Variants in DDX5 observed in about 807,000 individuals in gnomAD.
DDX5 encodes DEAD-box helicase 5, also known as probable ATP-dependent RNA helicase DDX5.
A neutral mutation model predicts 68.6 loss-of-function variants in DDX5; 6 were observed. The observed-to-expected ratio is 0.09, with a 90% CI of 0.05 to 0.17. The LOEUF (loss-of-function observed/expected upper bound fraction) is 0.17. DDX5 is among the 10% of genes least tolerant of loss of function. DDX5 has a pLI of 1.00. For synonymous variants in DDX5, 350 were observed against 247.0 expected (o/e 1.42, Z -3.91); for missense variants, 499 against 756.1 (o/e 0.66, Z 3.99).
At chr17:64,505,036 A>G in intron 1 of DDX5, 194 bp from the exon 2 acceptor site, 2 of 500,154 alleles carry the variant, frequency 4.0e-6, no homozygotes, top group Non-Finnish European at 6.9e-6. Flanking sequence ...CCAAGTACAC[A>G]TTACTTAGGT....
chr17:64,503,014 G>A lies in DDX5; in HGVS notation c.895C>T (p.His299Tyr). Reference protein sequence around the residue: ...LAEDFLKDYIHINIGALELSA... With the variant: ...LAEDFLKDYIYINIGALELSA... ...AGTTCAAGTGCACCAATGTTTATAT[G>A]AATATAGTCTTTCAGGAAATCTTCA... Residue 299 changes from histidine (H) to tyrosine (Y), a missense_variant, in exon 8 of 13, where the codon CAT (histidine) becomes TAT (tyrosine). By Grantham distance (83) the His-to-Tyr change is moderately conservative. Coordinates refer to ENST00000225792, the MANE Select transcript of DDX5 (RefSeq NM_004396.5). The A allele has an allele frequency of 2.5e-6, 4 of 1,613,948 alleles. No individual in the cohort carries two copies. The highest frequency in any genetic ancestry group is 4.5e-5 in the East Asian group (2 of 44,888).
chr17:64,506,228 G>A lies in DDX5; in HGVS notation c.-109C>T, dbSNP rs929826962. ...AAGCCTTGCGGGGGCGGCAGCGGAG[G>A]AAGGACACCGATGACACCAGCCGAA... On this transcript the variant is annotated 5_prime_UTR_variant, in exon 1 of 13. Coordinates refer to ENST00000225792, the MANE Select transcript of DDX5 (RefSeq NM_004396.5). 47 of 1,553,954 alleles carry A rather than the reference G, an allele frequency of 3.0e-5. 1 individual carries two copies. The highest frequency in any genetic ancestry group is 1.8e-4 in the South Asian group (15 of 84,428).
rs1467102212 is a variant in DDX5 at position 64,499,251 on chromosome 17, G to A, written c.*672C>T. ...TTTTTAAATTATAAACTTTGAAAAA[G>A]TCACCCACGTTCTCACACTATATAG... On this transcript the variant is annotated 3_prime_UTR_variant, in exon 13 of 13. Coordinates refer to ENST00000225792, the MANE Select transcript of DDX5 (RefSeq NM_004396.5). Among the ~76,000 whole-genome samples, 2 of 152,068 alleles carry A rather than the reference G, an allele frequency of 1.3e-5. No individual in the cohort carries two copies. The highest frequency in any genetic ancestry group is 4.8e-5 in the African/African-American group (2 of 41,386).
chr17:64,498,943 A>G lies in DDX5; in HGVS notation c.*980T>C, dbSNP rs565995250. On this transcript the variant is annotated 3_prime_UTR_variant, in exon 13 of 13. Coordinates refer to ENST00000225792, the MANE Select transcript of DDX5 (RefSeq NM_004396.5). ...GGTTTTTTCCTTGTGTTGAGTATGA[A>G]TAGACCTTACAGTTTGAGGATCTCT... Among the ~76,000 whole-genome samples, 6 of 152,352 alleles carry G rather than the reference A, an allele frequency of 3.9e-5. No homozygotes were observed. The highest frequency in any genetic ancestry group is 2.1e-4 in the South Asian group (1 of 4,826).
intron 11 of DDX5, 57 bp downstream of exon 11, chr17:64,501,953 A>G (rs1198093982): frequency 6.4e-7 from 1 of 1,557,606 alleles, no homozygotes; most frequent in East Asian, 2.2e-5. Context: ...CTTTCTTTAA[A>G]AAAGTTAAAT....
At chr17:64,505,967 T>A in intron 1 of DDX5, 109 bp downstream of exon 1, 2 of 1,539,882 alleles carry the variant, frequency 1.3e-6, no homozygotes, top group East Asian at 4.9e-5. Context: ...AGTCCCAAGA[T>A]AGCCCGGAAA....
chr17:64,504,622 T>C, intron 2 of DDX5, 55 bp downstream of exon 2: 1 of 1,536,124 alleles, frequency 6.5e-7, no homozygotes, highest in Non-Finnish European at 8.7e-7. Flanking sequence ...AGAATTTCAT[T>C]TACTAGAATC....
At chr17:64,504,962 T>A in intron 1 of DDX5, 120 bp from the exon 2 acceptor site, 1 of 854,744 alleles carries the variant, frequency 1.2e-6, no homozygotes, top group Non-Finnish European at 1.7e-6. Flanking sequence ...GAGGTAAACC[T>A]AGCACTGTCC....
Position 64,500,542 on chromosome 17 carries a change from T to A in DDX5, c.1441+7A>T. 1 of 1,610,956 alleles carries A rather than the reference T, an allele frequency of 6.2e-7. No homozygotes were observed. The highest frequency in any genetic ancestry group is 8.5e-7 in the Non-Finnish European group (1 of 1,177,844). On this transcript the variant is annotated splice_region_variant and intron_variant, in intron 12 of 12. Coordinates refer to ENST00000225792, the MANE Select transcript of DDX5 (RefSeq NM_004396.5). ...AACTACCAACATTTCCTATCAGTCA[T>A]CCTTACCTGAACCTCTGTCTTCGAC...
chr17:64,500,271 C>T lies in DDX5; in HGVS notation c.1497G>A (p.Ala499=), dbSNP rs981289272. Reference sequence around the variant, plus strand: ...AGGTATTAAATCCACCCCTTTTGCCCGCAGAGTATCTGTCCCGACGGTCAT... The same window carrying T: ...AGGTATTAAATCCACCCCTTTTGCCTGCAGAGTATCTGTCCCGACGGTCAT... ...MKDDRRDRYS[A]GKRGGFNTFR... The change falls in exon 13 of 13, where the codon GCG becomes GCA. Residue 499 remains alanine, a synonymous_variant. Coordinates refer to ENST00000225792, the MANE Select transcript of DDX5 (RefSeq NM_004396.5). 7.4e-6 allele frequency: 12 copies of T among 1,614,056 alleles called. No individual in the cohort carries two copies. Among genetic ancestry groups the T allele is most frequent in the Non-Finnish European group, 1.0e-5 (12 of 1,179,984 alleles).
chr17:64,505,995 A>G (rs1228724692), intron 1 of DDX5, 81 bp downstream of exon 1: 1 of 1,542,760 alleles, frequency 6.5e-7, no homozygotes, highest in African/African-American at 1.4e-5. Flanking sequence ...TCCAAGCCGC[A>G]AAGCCCCCGC....
intron 12 of DDX5, 107 bp downstream of exon 12, chr17:64,500,442 T>G: frequency 6.6e-7 from 1 of 1,520,222 alleles, no homozygotes; most frequent in South Asian, 1.2e-5. Context: ...TTTTTCAGCT[T>G]AAGTTTTCAC....
At chr17:64,505,021 T>C (rs974015600) in intron 1 of DDX5, 179 bp from the exon 2 acceptor site, 2 of 558,882 alleles carry the variant, frequency 3.6e-6, no homozygotes, top group Non-Finnish European at 6.1e-6. Flanking sequence ...ACATTTCCCG[T>C]AGTCCCAAGT....
intron 2 of DDX5, 127 bp from the exon 3 acceptor site, chr17:64,504,445 C>T: frequency 1.1e-6 from 1 of 914,514 alleles, no homozygotes; most frequent in Non-Finnish European, 1.7e-6. Context: ...AATCTGGACC[C>T]ACCTATGAAC....
At chr17:64,503,397 C>G in intron 6 of DDX5, 33 bp downstream of exon 6, 1 of 1,613,970 alleles carries the variant, frequency 6.2e-7, no homozygotes, top group Non-Finnish European at 8.5e-7. Context: ...ATATTTAGCA[C>G]CAATGACAAA....
At chr17:64,502,629 C>A in intron 8 of DDX5, 80 bp from the exon 9 acceptor site, 1 of 1,038,936 alleles carries the variant, frequency 9.6e-7, no homozygotes. Context: ...GTCAGCAAAA[C>A]ATTAAGTTCA....
chr17:64,506,046 CAGGCCTGACAGCTCGG>C lies in DDX5; in HGVS notation c.44+14_44+29del. 1 of 1,563,484 alleles carries C rather than the reference CAGGCCTGACAGCTCGG, an allele frequency of 6.4e-7. No individual in the cohort carries two copies. ...CCCGCCCTCCCATCCCCCCACCCGC[CAGGCCTGACAGCTCGG>C]CTCCCAAACTCACCCTCGGTCCCGG... On this transcript the variant is annotated intron_variant, in intron 1 of 12. Coordinates refer to ENST00000225792, the MANE Select transcript of DDX5 (RefSeq NM_004396.5).
chr17:64,506,019 G>C, intron 1 of DDX5, 57 bp downstream of exon 1: 2 of 1,360,442 alleles, frequency 1.5e-6, no homozygotes, highest in East Asian at 2.6e-5. Context: ...CCGCCACCCT[G>C]ACCCGCCCTC....
chr17:64,505,842 C>A, intron 1 of DDX5: 4 of 1,536,118 alleles, frequency 2.6e-6, no homozygotes, highest in Non-Finnish European at 3.5e-6. Flanking sequence ...ATGGCAGCCG[C>A]CCCGACAGCT....
Sources: allele counts gnomAD v4.1 joint callset (sites outside exome capture counted in the v4.1 genomes callset), GRCh38; gene constraint gnomAD v4.1.1; transcripts MANE v1.5; gene names NCBI Gene and HGNC (gene_info 2026-07-23, HGNC 2026-07-21).